The following UTRN variants were observed in gnomAD, a reference collection of about 807,000 sequenced individuals.
UTRN encodes the protein utrophin.
In UTRN, 283 loss-of-function variants were observed where a neutral mutation model predicts 463.9. The ratio of observed to expected loss-of-function variants is 0.61; its 90% CI spans 0.55 to 0.67. The LOEUF is 0.67. UTRN is among the 30% of genes least tolerant of loss of function. UTRN has a pLI of 0.00. For missense variants in UTRN, 3,922 were observed against 4,084.3 expected, an observed-to-expected ratio of 0.96 and a Z score of 1.08; for synonymous variants, 1,442 against 1,431.5, an observed-to-expected ratio of 1.01 and a Z score of -0.17.
At chr6:144,823,944 T>A (rs549697355) in intron 66 of UTRN, among the ~76,000 whole-genome samples, 2 of 152,262 alleles carry the variant, frequency 1.3e-5, no homozygotes, top group Admixed American at 1.3e-4. Flanking sequence ...ACACTATAAG[T>A]TTAACTACAG....
intron 53 of UTRN, among the ~76,000 whole-genome samples, chr6:144,717,041 C>A (rs1786541263): frequency 6.6e-6 from 1 of 152,144 alleles, no homozygotes; most frequent in African/African-American, 2.4e-5. Context: ...CACAATATGA[C>A]CATAGTAATG....
At chr6:144,635,018 T>C (rs79836097) in intron 51 of UTRN, among the ~76,000 whole-genome samples, 4,671 of 152,248 alleles carry the variant, frequency 0.031, 254 homozygotes, top group African/African-American at 0.11. Context: ...TCCTCTTGAG[T>C]AGAACTGCTA....
intron 4 of UTRN, among the ~76,000 whole-genome samples, 186 bp from the exon 5 acceptor site, chr6:144,423,363 T>A (rs1785018034): frequency 1.3e-5 from 2 of 152,156 alleles, no homozygotes; most frequent in Non-Finnish European, 2.9e-5. Flanking sequence ...AAGATGTTGT[T>A]AGTTGAGGGA....
Position 144,523,181 on chromosome 6 carries a change from C to T in UTRN, c.5899C>T (p.Arg1967Trp), listed in dbSNP as rs116699477. Reference sequence around the variant, plus strand: ...CAGAATTAATAGAATGTACAGTGATCGGAAAGGGTATGTGTAAATGAAATT... The same window carrying T: ...CAGAATTAATAGAATGTACAGTGATTGGAAAGGGTATGTGTAAATGAAATT... The part of the protein sequence containing the change: ...WDRINRMYSD[R>W]KGCFDRAMEE... The change falls in exon 41 of 75, where the codon CGG (arginine) becomes TGG (tryptophan). Residue 1967 changes from arginine (R) to tryptophan (W), a missense_variant. By Grantham distance (101) the Arg-to-Trp change is moderately radical. Around this residue, in one of 3 missense-constraint regions of UTRN, gnomAD observed 2,349 missense variants for 2,303.8 expected, o/e 1.02. Coordinates refer to ENST00000367545, the MANE Select transcript of UTRN (RefSeq NM_007124.3). 1,651 of 1,585,158 alleles carry T rather than the reference C, an allele frequency of 1.0e-3. 10 individuals are homozygous for T. In the African/African-American group the frequency reaches 0.013, roughly 13 times the overall value.
intron 55 of UTRN, among the ~76,000 whole-genome samples, chr6:144,751,592 C>CAT (rs567130282): frequency 6.6e-6 from 1 of 151,958 alleles, no homozygotes; most frequent in African/African-American, 2.4e-5. Context: ...GTCAGCTCTC[C>CAT]ATATATATAT....
At chr6:144,774,870 T>C (rs1037865134) in intron 60 of UTRN, among the ~76,000 whole-genome samples, 4 of 152,208 alleles carry the variant, frequency 2.6e-5, no homozygotes, top group African/African-American at 9.6e-5. Flanking sequence ...ATTTTTCCTG[T>C]GGAGGATGTG....
At chr6:144,299,729 A>G (rs900930554) in intron 2 of UTRN, among the ~76,000 whole-genome samples, 1 of 152,020 alleles carries the variant, frequency 6.6e-6, no homozygotes, top group Non-Finnish European at 1.5e-5. Context: ...ATAAAAATGT[A>G]TTGTGTATAT....
intron 55 of UTRN, among the ~76,000 whole-genome samples, chr6:144,751,524 C>A (rs1791393019): frequency 6.6e-6 from 1 of 152,238 alleles, no homozygotes; most frequent in African/African-American, 2.4e-5. Flanking sequence ...CCCGCATGTA[C>A]CAAAACTCAT....
intron 3 of UTRN, among the ~76,000 whole-genome samples, chr6:144,410,913 A>G (rs553582492): frequency 1.3e-5 from 2 of 152,040 alleles, no homozygotes; most frequent in Non-Finnish European, 2.9e-5. Context: ...TGCTGCTATA[A>G]ACATGCATGT....
intron 25 of UTRN, among the ~76,000 whole-genome samples, chr6:144,476,574 T>C (rs1008606852): frequency 1.3e-5 from 2 of 151,998 alleles, no homozygotes; most frequent in African/African-American, 4.8e-5. Context: ...GTAGGTGAAA[T>C]GATGACTACC....
intron 53 of UTRN, among the ~76,000 whole-genome samples, chr6:144,712,107 T>G (rs990477778): frequency 6.6e-6 from 1 of 152,148 alleles, no homozygotes; most frequent in African/African-American, 2.4e-5. Context: ...AAACTTGTCT[T>G]TTTCTGAAAT....
intron 50 of UTRN, among the ~76,000 whole-genome samples, chr6:144,574,209 C>A (rs1801215850): frequency 6.6e-6 from 1 of 152,090 alleles, no homozygotes; most frequent in South Asian, 2.1e-4. Context: ...AAACTGGGAT[C>A]AATTATGGAG....
intron 51 of UTRN, among the ~76,000 whole-genome samples, chr6:144,589,634 T>C (rs968229479): frequency 6.6e-6 from 1 of 152,152 alleles, no homozygotes; most frequent in African/African-American, 2.4e-5. Context: ...TAATAGATAT[T>C]GTTTTGTTCT....
intron 69 of UTRN, 81 bp from the exon 70 acceptor site, chr6:144,835,696 CCAT>C: frequency 6.4e-7 from 1 of 1,564,892 alleles, no homozygotes; most frequent in Non-Finnish European, 8.7e-7. Context: ...ACTATCCTGT[CCAT>C]CATTATTTCT....
In UTRN at chr6:144,755,500, G is replaced by A. The variant is rs186696329; in HGVS notation, c.8434+702G>A. On this transcript the variant is annotated intron_variant, in intron 57 of 74. Transcript: ENST00000367545. ...TCATTCTGTCGCTTACCAGACCTGTGAATTTCTGAAGGTTGATTTCTTTGT... is the reference window on the plus strand; with the variant it reads ...TCATTCTGTCGCTTACCAGACCTGTAAATTTCTGAAGGTTGATTTCTTTGT... Among the ~76,000 whole-genome samples, 74 of 152,198 alleles carry A rather than the reference G, an allele frequency of 4.9e-4. 1 individual carries two copies. The highest frequency in any genetic ancestry group is 1.5e-3 in the Admixed American group (23 of 15,286).
chr6:144,749,400 CA>C (rs1394187038), intron 55 of UTRN, among the ~76,000 whole-genome samples: 1 of 152,166 alleles, frequency 6.6e-6, no homozygotes, highest in Admixed American at 6.5e-5. Flanking sequence ...ACAGAATACA[CA>C]CCTTCTGGCA....
chr6:144,481,727 A>G (rs1308054160), intron 26 of UTRN, among the ~76,000 whole-genome samples: 1 of 152,246 alleles, frequency 6.6e-6, no homozygotes, highest in African/African-American at 2.4e-5. Flanking sequence ...CATTGGATGC[A>G]TGAGTGAAAT....
chr6:144,373,599 C>T (rs1003774744), intron 2 of UTRN, among the ~76,000 whole-genome samples: 4 of 152,230 alleles, frequency 2.6e-5, no homozygotes, highest in South Asian at 4.1e-4. Context: ...GGATGATTGT[C>T]GCACAACTTT....
At chr6:144,649,257 A>G (rs529587497) in intron 51 of UTRN, among the ~76,000 whole-genome samples, 1 of 152,206 alleles carries the variant, frequency 6.6e-6, no homozygotes, top group Non-Finnish European at 1.5e-5. Context: ...GCATCAGGGC[A>G]TGCTAGGAAA....
Sources: gnomAD v4.1 joint callset for allele counts (sites outside exome capture counted in the v4.1 genomes callset) on GRCh38, gnomAD v4.1.1 for gene constraint, gnomAD v4.1.1 regional missense constraint, MANE v1.5 for transcripts, NCBI Gene and HGNC (gene_info 2026-07-23, HGNC 2026-07-21) for gene names.